KMT2C: variants seen among roughly 807,000 people sequenced by gnomAD.
The protein encoded by KMT2C is lysine methyltransferase 2C, also known as histone-lysine N-methyltransferase 2C.
In KMT2C, 88 loss-of-function variants were observed where a neutral mutation model predicts 507.9. The ratio of observed to expected loss-of-function variants is 0.17; its 90% CI spans 0.15 to 0.21. KMT2C has a LOEUF of 0.21. Among genes scored for constraint, KMT2C ranks in the 10% least tolerant of loss-of-function variants. The pLI is 1.00. For missense variants in KMT2C, 4,954 were observed against 5,957.8 expected, an observed-to-expected ratio of 0.83 and a Z score of 5.55; for synonymous variants, 2,049 against 2,080.8, an observed-to-expected ratio of 0.98 and a Z score of 0.42.
In KMT2C at chr7:152,230,295, A is replaced by C; in HGVS notation, c.2796T>G (p.Asn932Lys). 6.3e-7 allele frequency: 1 copy of C among 1,586,200 alleles called. No homozygotes were observed. The highest frequency in any genetic ancestry group is 8.6e-7 in the Non-Finnish European group (1 of 1,161,122). Reference protein sequence around the residue: ...PGVSTADISSNKDDEENSMHN... With the variant: ...PGVSTADISSKKDDEENSMHN... ...GCATAGAGTTTTCTTCATCATCCTT[A>C]TTTGATGAAATATCTGCAGTAGACA... Residue 932 changes from asparagine (N) to lysine (K), a missense_variant, in exon 17 of 59, where the codon AAT becomes AAG. By Grantham distance (94) the Asn-to-Lys change is moderately conservative. This residue lies in a region of KMT2C where 62 missense variants were observed against 137.2 expected (regional missense o/e 0.45). Transcript: ENST00000262189.
intron 3 of KMT2C, among the ~76,000 whole-genome samples, chr7:152,322,373 A>C (rs1311048908): frequency 3.3e-5 from 5 of 151,824 alleles, no homozygotes; most frequent in Non-Finnish European, 5.9e-5. Context: ...AAAAACAAGA[A>C]GACACATCGA....
At chr7:152,171,556 T>G (rs569244499) in intron 39 of KMT2C, among the ~76,000 whole-genome samples, 2 of 152,332 alleles carry the variant, frequency 1.3e-5, no homozygotes, top group African/African-American at 4.8e-5. Context: ...CACCCTCATG[T>G]TACTTATGAT....
intron 1 of KMT2C, among the ~76,000 whole-genome samples, chr7:152,387,760 C>T (rs564797742): frequency 4.6e-5 from 7 of 152,218 alleles, no homozygotes; most frequent in South Asian, 2.1e-4. Flanking sequence ...CGTGAGCCAC[C>T]GCGCCCGGCC....
At chr7:152,197,392 G>A (rs1242173408) in intron 27 of KMT2C, among the ~76,000 whole-genome samples, 2 of 152,142 alleles carry the variant, frequency 1.3e-5, no homozygotes, top group African/African-American at 2.4e-5. Context: ...TTACTTAAAA[G>A]GGGGAGGAGG....
At chr7:152,140,069 T>TTA (rs1340966248) in intron 55 of KMT2C, among the ~76,000 whole-genome samples, 1 of 152,254 alleles carries the variant, frequency 6.6e-6, no homozygotes, top group Non-Finnish European at 1.5e-5. Context: ...GTCTTATGTA[T>TTA]TAGGCTATCT....
intron 1 of KMT2C, among the ~76,000 whole-genome samples, chr7:152,414,911 T>C (rs1275719175): frequency 6.6e-6 from 1 of 152,066 alleles, no homozygotes; most frequent in Non-Finnish European, 1.5e-5. Flanking sequence ...TGCAGTGGCA[T>C]GATCACAGCT....
In KMT2C at chr7:152,224,063, C is replaced by T. The variant is rs150747860; in HGVS notation, c.3275G>A (p.Arg1092Gln). Residue 1092 changes from arginine (R) to glutamine (Q), a missense_variant, in exon 20 of 59, where the codon CGA becomes CAA. Physicochemically the swap from Arg to Gln is conservative, Grantham distance 43. This residue lies in a region of KMT2C where 52 missense variants were observed against 162.4 expected (regional missense o/e 0.32). Coordinates refer to ENST00000262189, the MANE Select transcript of KMT2C (RefSeq NM_170606.3). ...ASLSSCPVCY[R>Q]NYREEDLILQ... ...AATAAGATCTTCTTCTCTATAGTTT[C>T]GATAGCAGACTGGACAGGAAGATAA... 53 of 1,611,028 alleles carry T rather than the reference C, an allele frequency of 3.3e-5. 1 individual carries two copies. The Middle Eastern group carries it at 9.0e-4, about 27-fold the overall frequency.
At chr7:152,360,021 C>G (rs2097182894) in intron 1 of KMT2C, among the ~76,000 whole-genome samples, 1 of 116,082 alleles carries the variant, frequency 8.6e-6, no homozygotes, top group South Asian at 2.8e-4. Flanking sequence ...TGCACTCCAG[C>G]CTGGGCGACA....
At chr7:152,348,358 A>T (rs925120299) in intron 2 of KMT2C, among the ~76,000 whole-genome samples, 2 of 152,014 alleles carry the variant, frequency 1.3e-5, no homozygotes. Flanking sequence ...GCACTTTGGG[A>T]GGCCGAGGCA....
At chr7:152,145,063 G>C in intron 54 of KMT2C, 90 bp downstream of exon 54, 1 of 1,497,070 alleles carries the variant, frequency 6.7e-7, no homozygotes, top group Middle Eastern at 1.8e-4. Flanking sequence ...CAGACAGCAG[G>C]GTTTGTAAGC....
intron 55 of KMT2C, among the ~76,000 whole-genome samples, 168 bp from the exon 56 acceptor site, chr7:152,139,959 T>C (rs1239225430): frequency 2.0e-5 from 3 of 152,224 alleles, no homozygotes; most frequent in Admixed American, 6.5e-5. Context: ...AAATTGGACA[T>C]TTTTACTACT....
chr7:152,433,848 C>CGTGCGTGTGAGTGTGCGCGT (rs1368987103), intron 1 of KMT2C, among the ~76,000 whole-genome samples: 7 of 152,274 alleles, frequency 4.6e-5, no homozygotes, highest in African/African-American at 1.7e-4. Context: ...CGAGTGTGCG[C>CGTGCGTGTGAGTGTGCGCGT]GTGCGTGTGA....
chr7:152,289,028 T>C (rs1425794009), intron 6 of KMT2C, among the ~76,000 whole-genome samples: 21 of 152,288 alleles, frequency 1.4e-4, no homozygotes, highest in Non-Finnish European at 2.6e-4. Context: ...AAAAGAATAG[T>C]GAGAAAAGTT....
At chr7:152,326,532 T>A (rs1313959877) in intron 3 of KMT2C, among the ~76,000 whole-genome samples, 1 of 152,136 alleles carries the variant, frequency 6.6e-6, no homozygotes, top group Non-Finnish European at 1.5e-5. Flanking sequence ...CTTGCTAAAA[T>A]CCTATTAATT....
At chr7:152,245,401 G>C (rs955865965) in intron 14 of KMT2C, among the ~76,000 whole-genome samples, 2 of 152,156 alleles carry the variant, frequency 1.3e-5, no homozygotes, top group African/African-American at 4.8e-5. Context: ...TAAGTATAAA[G>C]CATCTTGTTC....
intron 27 of KMT2C, 84 bp from the exon 28 acceptor site, chr7:152,196,095 T>C (rs1380541106): frequency 1.6e-6 from 1 of 636,326 alleles, no homozygotes; most frequent in Admixed American, 3.5e-5. Context: ...GTACAGCAGA[T>C]ACTGAGTGAG....
At chr7:152,260,465 AT>A (rs1288973393) in intron 9 of KMT2C, among the ~76,000 whole-genome samples, 2 of 152,140 alleles carry the variant, frequency 1.3e-5, no homozygotes, top group Admixed American at 1.3e-4. Flanking sequence ...AAAGAAGGTA[AT>A]TTTTTAAGTA....
rs563166492 is a variant in KMT2C, at chr7:152,148,523, C to T, written c.13404G>A (p.Thr4468=). Residue 4468 remains threonine (T), a synonymous_variant, in exon 52 of 59, where the codon ACG becomes ACA. Coordinates refer to ENST00000262189, the MANE Select transcript of KMT2C (RefSeq NM_170606.3). This position sits in a 1 kb window ranked among gnomAD's most constrained non-coding sequence, Gnocchi z 7.1. The stretch of plus-strand genomic sequence containing the variant: ...ATCTGTGGCATCCACTAGTGGCACC[C>T]GTCTTGTGACAGAAGACACATTTCA... The part of the protein sequence containing the change: ...LQMKCVFCHK[T]GATSGCHRFR... 6.2e-6 allele frequency: 10 copies of T among 1,614,220 alleles called. No homozygotes were observed. The African/African-American group carries it at 9.3e-5, about 15-fold the overall frequency.
At position 152,162,468 on chromosome 7, in the gene KMT2C, T is replaced by C; in HGVS notation, c.11109A>G (p.Glu3703=). Residue 3703 remains glutamate, a synonymous_variant, in exon 43 of 59, where the codon GAA becomes GAG. Transcript: ENST00000262189. Reference sequence around the variant, plus strand: ...GGGTTTCCATGGAGAGCTTGTCTACTTCTGAATTTGCATACGTCTGTTGAT... The same window carrying C: ...GGGTTTCCATGGAGAGCTTGTCTACCTCTGAATTTGCATACGTCTGTTGAT... ...TPNQQTYANS[E]VDKLSMETPA... 1 of 1,614,268 alleles carries C rather than the reference T, an allele frequency of 6.2e-7. No individual in the cohort carries two copies.
Sources: allele counts gnomAD v4.1 joint callset (sites outside exome capture counted in the v4.1 genomes callset), GRCh38; gene constraint gnomAD v4.1.1; regional missense constraint gnomAD v4.1.1; non-coding constraint Gnocchi (gnomAD v3.1); transcripts MANE v1.5; gene names NCBI Gene and HGNC (gene_info 2026-07-23, HGNC 2026-07-21).